The following MAPKAP1 variants were observed in gnomAD, a reference collection of about 807,000 sequenced individuals.
MAPKAP1 encodes the protein target of rapamycin complex 2 subunit MAPKAP1.
In MAPKAP1, 20 loss-of-function variants were observed where a neutral mutation model predicts 65.7. The ratio of observed to expected loss-of-function variants is 0.30; its 90% CI spans 0.21 to 0.44. The LOEUF is 0.44. MAPKAP1 is among the 20% of genes least tolerant of loss of function. The pLI, the probability that MAPKAP1 is intolerant of heterozygous loss-of-function variation, is 1.00. For missense variants in MAPKAP1, 423 were observed against 648.0 expected, an observed-to-expected ratio of 0.65 and a Z score of 3.77; for synonymous variants, 222 against 244.3, an observed-to-expected ratio of 0.91 and a Z score of 0.85.
chr9:125,585,087 C>G (rs979015921), intron 5 of MAPKAP1, among the ~76,000 whole-genome samples: 3 of 152,172 alleles, frequency 2.0e-5, no homozygotes, highest in Admixed American at 2.0e-4. Context: ...CCTGACTCTG[C>G]CATCTCTCAC....
chr9:125,617,928 G>C (rs1337634870), intron 4 of MAPKAP1, among the ~76,000 whole-genome samples: 1 of 151,988 alleles, frequency 6.6e-6, no homozygotes, highest in Non-Finnish European at 1.5e-5. Flanking sequence ...TTATACCTTG[G>C]AGATACTTTA....
At chr9:125,686,683 C>A (rs553481096) in intron 1 of MAPKAP1, among the ~76,000 whole-genome samples, 4 of 152,328 alleles carry the variant, frequency 2.6e-5, no homozygotes, top group Admixed American at 2.6e-4. Flanking sequence ...CACACCTGTG[C>A]CATAATTCAA....
chr9:125,472,706 T>A (rs1035196530), intron 9 of MAPKAP1, among the ~76,000 whole-genome samples: 3 of 152,174 alleles, frequency 2.0e-5, no homozygotes, highest in Non-Finnish European at 2.9e-5. Context: ...CCAACAATGA[T>A]GAAATACAAG....
At chr9:125,480,902 G>A (rs1854286011) in intron 9 of MAPKAP1, among the ~76,000 whole-genome samples, 2 of 149,598 alleles carry the variant, frequency 1.3e-5, no homozygotes, top group South Asian at 2.1e-4. Flanking sequence ...AACCCGGTAG[G>A]AGGAGGTTGC....
At chr9:125,564,117 C>T (rs1159701528) in intron 5 of MAPKAP1, among the ~76,000 whole-genome samples, 1 of 152,162 alleles carries the variant, frequency 6.6e-6, no homozygotes, top group Admixed American at 6.5e-5. Flanking sequence ...CCAAATAGGG[C>T]TTTCTAGGCA....
At chr9:125,534,838 G>A (rs1830028694) in intron 7 of MAPKAP1, among the ~76,000 whole-genome samples, 1 of 151,992 alleles carries the variant, frequency 6.6e-6, no homozygotes, top group African/African-American at 2.4e-5. Flanking sequence ...TTCAGCTTGG[G>A]ATGGTCTTCC....
At chr9:125,691,352 C>CA (rs1835164958) in intron 1 of MAPKAP1, among the ~76,000 whole-genome samples, 1 of 152,142 alleles carries the variant, frequency 6.6e-6, no homozygotes, top group South Asian at 2.1e-4. Context: ...TTATGGCTTG[C>CA]ATGATAGTGC....
intron 5 of MAPKAP1, among the ~76,000 whole-genome samples, chr9:125,578,444 CG>C (rs1304346950): frequency 1.8e-5 from 2 of 109,876 alleles, no homozygotes; most frequent in African/African-American, 2.9e-5. Flanking sequence ...TAAATAAATA[CG>C]AAAAAAAAAG....
intron 3 of MAPKAP1, 50 bp downstream of exon 3, chr9:125,669,768 A>G: frequency 1.0e-6 from 1 of 967,626 alleles, no homozygotes; most frequent in South Asian, 1.7e-5. Flanking sequence ...CTTATATAAT[A>G]AACTAAATAT....
chr9:125,568,562 G>A (rs186521426), intron 5 of MAPKAP1, among the ~76,000 whole-genome samples: 2 of 152,094 alleles, frequency 1.3e-5, no homozygotes, highest in Admixed American at 1.3e-4. Flanking sequence ...GTTACTCAGG[G>A]CAACCACCCT....
intron 6 of MAPKAP1, among the ~76,000 whole-genome samples, chr9:125,548,039 A>G (rs551806514): frequency 5.9e-5 from 9 of 152,340 alleles, no homozygotes; most frequent in South Asian, 2.1e-4. Context: ...AACACTTTCT[A>G]TGGGCTAGGT....
chr9:125,530,920 CCTACTATGGA>C (rs1201870625), intron 7 of MAPKAP1, among the ~76,000 whole-genome samples: 5 of 152,204 alleles, frequency 3.3e-5, no homozygotes, highest in African/African-American at 4.8e-5. Flanking sequence ...CCACTGAGCG[CCTACTATGGA>C]CTAAGTGTTT....
intron 7 of MAPKAP1, among the ~76,000 whole-genome samples, chr9:125,519,347 T>C (rs945025892): frequency 6.6e-6 from 1 of 152,074 alleles, no homozygotes; most frequent in Non-Finnish European, 1.5e-5. Flanking sequence ...CTACAAAGAC[T>C]GTTTACAGCT....
Position 125,506,411 on chromosome 9 carries a change from T to A in MAPKAP1, c.965A>T (p.Gln322Leu). 4 of 1,613,822 alleles carry A rather than the reference T, an allele frequency of 2.5e-6. No homozygotes were observed. The highest frequency in any genetic ancestry group is 3.4e-6 in the Non-Finnish European group (4 of 1,179,816). Residue 322 changes from glutamine (Q) to leucine (L), a missense_variant, in exon 8 of 12, where the codon CAG becomes CTG. Physicochemically the swap from Gln to Leu is moderately radical, Grantham distance 113 (BLOSUM62 -2). Coordinates refer to ENST00000265960, the MANE Select transcript of MAPKAP1 (RefSeq NM_001006617.3). ...RKGSQKVSGPQYRLEKQSEPN... is the reference protein window; with the variant it reads ...RKGSQKVSGPLYRLEKQSEPN... ...CTCGCTCTGCTTCTCCAGGCGGTACTGAGGGCCTGGAAGATCAAAGGGGCA... is the reference window on the plus strand; with the variant it reads ...CTCGCTCTGCTTCTCCAGGCGGTACAGAGGGCCTGGAAGATCAAAGGGGCA...
chr9:125,584,191 G>A (rs1043405762), intron 5 of MAPKAP1, among the ~76,000 whole-genome samples: 4 of 152,146 alleles, frequency 2.6e-5, no homozygotes, highest in East Asian at 1.9e-4. Flanking sequence ...CTTGAGGTGT[G>A]CCGCTGACTG....
chr9:125,653,098 G>A (rs1411414912), intron 4 of MAPKAP1, among the ~76,000 whole-genome samples: 1 of 152,144 alleles, frequency 6.6e-6, no homozygotes, highest in Admixed American at 6.5e-5. Context: ...AACACATCCT[G>A]CTCATTTCAT....
rs771196686 is a variant in MAPKAP1, at chr9:125,484,492, G to C, written c.1158C>G (p.Phe386Leu). ...GCAGTCTGTGGATCATGCTGACTTTGAATGACTTGTAATGGTGGCTGCTAA... is the reference window on the plus strand; with the variant it reads ...GCAGTCTGTGGATCATGCTGACTTTCAATGACTTGTAATGGTGGCTGCTAA... ...DMLSSHHYKSFKVSMIHRLRF... is the reference protein window; with the variant it reads ...DMLSSHHYKSLKVSMIHRLRF... The change falls in exon 9 of 12, where the codon TTC becomes TTG. Residue 386 changes from phenylalanine to leucine, a missense_variant. Around this residue, in one of 6 missense-constraint regions of MAPKAP1, gnomAD observed 185 missense variants for 268.1 expected, o/e 0.69. Coordinates refer to ENST00000265960, the MANE Select transcript of MAPKAP1 (RefSeq NM_001006617.3). 3.1e-6 allele frequency: 5 copies of C among 1,613,360 alleles called. No homozygotes were observed. The Admixed American group carries it at 6.7e-5, about 22-fold the overall frequency.
At chr9:125,693,721 G>A (rs113290458) in intron 1 of MAPKAP1, among the ~76,000 whole-genome samples, 8,611 of 58,966 alleles carry the variant, frequency 0.15, 1,272 homozygotes, top group African/African-American at 0.26. Context: ...ATATATACAC[G>A]TATATACACA....
chr9:125,707,016 T>C lies in MAPKAP1; in HGVS notation c.-115A>G, dbSNP rs1835784545. 2.5e-6 allele frequency: 1 copy of C among 396,606 alleles called. No individual in the cohort carries two copies. The highest frequency in any genetic ancestry group is 3.6e-5 in the East Asian group (1 of 27,994). The allele number at this position is 396,606 out of a possible 1,614,324, so 24.6% of individuals were successfully genotyped here. On this transcript the variant is annotated 5_prime_UTR_variant, in exon 1 of 12. Transcript: ENST00000265960. ...CGGGCCGGGTCGGCCCCGGGACACG[T>C]TCCTGAGGGGAGGGCCCGGCTCCCC...
Sources: gnomAD v4.1 joint callset for allele counts (sites outside exome capture counted in the v4.1 genomes callset) on GRCh38, gnomAD v4.1.1 for gene constraint, gnomAD v4.1.1 regional missense constraint, MANE v1.5 for transcripts, NCBI Gene and HGNC (gene_info 2026-07-23, HGNC 2026-07-21) for gene names.